Variants in CRACR2A observed in about 807,000 individuals in gnomAD.
CRACR2A encodes the protein EF-hand calcium-binding domain-containing protein 4B.
CRACR2A carries 79 observed loss-of-function variants against 90.5 expected under a neutral mutation model. That is an observed-to-expected ratio of 0.87 (90% CI 0.73 to 1.05). The LOEUF (loss-of-function observed/expected upper bound fraction) is 1.05, where lower values mean the gene tolerates loss of function less well. Ranked by LOEUF, CRACR2A falls within the 50% of genes least tolerant of loss-of-function variation. CRACR2A has a pLI of 0.00. For synonymous variants in CRACR2A, 338 were observed against 356.7 expected (o/e 0.95, Z 0.59); for missense variants, 823 against 897.2 (o/e 0.92, Z 1.06).
At chr12:3,654,480 C>G (rs1030157414) in intron 9 of CRACR2A, 81 bp from the exon 10 acceptor site, 4 of 1,411,412 alleles carry the variant, frequency 2.8e-6, no homozygotes, top group Non-Finnish European at 3.8e-6. Context: ...ACCTTGTTTT[C>G]TCTGCTTGGC....
At chr12:3,643,442 G>A (rs1944609843) in intron 12 of CRACR2A, among the ~76,000 whole-genome samples, 3 of 152,022 alleles carry the variant, frequency 2.0e-5, no homozygotes, top group South Asian at 2.1e-4. Flanking sequence ...GCGTGACAGC[G>A]GAGGTCATGG....
At chr12:3,662,154 C>T (rs915161775) in intron 7 of CRACR2A, among the ~76,000 whole-genome samples, 1 of 152,140 alleles carries the variant, frequency 6.6e-6, no homozygotes, top group Admixed American at 6.5e-5. Context: ...CCTAGGATTC[C>T]AGGTGGGCAT....
At chr12:3,718,333 C>G (rs1324964369) in intron 2 of CRACR2A, among the ~76,000 whole-genome samples, 3 of 152,172 alleles carry the variant, frequency 2.0e-5, no homozygotes, top group Non-Finnish European at 4.4e-5. Flanking sequence ...GTGGGTGGAA[C>G]CGAGGGCCCT....
intron 3 of CRACR2A, among the ~76,000 whole-genome samples, chr12:3,700,140 C>T (rs555518868): frequency 1.3e-5 from 2 of 152,316 alleles, no homozygotes; most frequent in African/African-American, 4.8e-5. Flanking sequence ...CATCTACTCT[C>T]AGGAGCTAAC....
chr12:3,690,916 C>T (rs941153457), intron 4 of CRACR2A, among the ~76,000 whole-genome samples: 2 of 152,018 alleles, frequency 1.3e-5, no homozygotes, highest in African/African-American at 4.8e-5. Flanking sequence ...TTATGTAATG[C>T]CCTTCTTTGT....
At chr12:3,621,768 C>T (rs534134996) in intron 17 of CRACR2A, among the ~76,000 whole-genome samples, 47 of 150,296 alleles carry the variant, frequency 3.1e-4, no homozygotes, top group Non-Finnish European at 4.7e-4. Context: ...GCAGGAGCTG[C>T]GGTTTCTGTT....
intron 2 of CRACR2A, among the ~76,000 whole-genome samples, chr12:3,714,900 G>T (rs1489932357): frequency 1.3e-5 from 2 of 152,192 alleles, no homozygotes; most frequent in African/African-American, 4.8e-5. Context: ...CATAGAAAAT[G>T]CAGTAGAATG....
chr12:3,656,224 A>C, intron 9 of CRACR2A, 87 bp downstream of exon 9: 1 of 1,317,846 alleles, frequency 7.6e-7, no homozygotes, highest in Non-Finnish European at 1.1e-6. Context: ...AAAAGTCCTT[A>C]AGTGAATGGC....
chr12:3,672,558 G>T (rs1945264228), intron 7 of CRACR2A, among the ~76,000 whole-genome samples: 1 of 152,152 alleles, frequency 6.6e-6, no homozygotes, highest in Non-Finnish European at 1.5e-5. Context: ...TCACCTTCAG[G>T]GTTATGAACC....
At chr12:3,616,731 G>C (rs1018666050) in intron 19 of CRACR2A, among the ~76,000 whole-genome samples, 1 of 152,220 alleles carries the variant, frequency 6.6e-6, no homozygotes, top group African/African-American at 2.4e-5. Flanking sequence ...GTGACAGGTA[G>C]GGATGCTTTC....
In CRACR2A at chr12:3,633,633, C is replaced by T. The variant is rs868098601; in HGVS notation, c.1706G>A (p.Arg569Gln). 3.1e-5 allele frequency: 48 copies of T among 1,551,736 alleles called. No individual in the cohort carries two copies. Among genetic ancestry groups the T allele is most frequent in the East Asian group, 4.9e-5 (2 of 40,898 alleles). ...TSFLRRFCED[R>Q]FSPGMAATVG... The stretch of plus-strand genomic sequence containing the variant: ...AGTGGCCGCCATGCCTGGGGAGAAC[C>T]GGTCCTCACAGAATCTCCTCAGGAA... Residue 569 changes from arginine to glutamine, a missense_variant, in exon 15 of 20, where the codon CGG becomes CAG. Arg to Gln is a conservative substitution (Grantham distance 43). Coordinates refer to ENST00000440314, the MANE Select transcript of CRACR2A (RefSeq NM_001144958.2). The surrounding 1 kb of genome is among the most constrained non-coding windows in gnomAD (Gnocchi z 4.5).
At chr12:3,752,119 C>T (rs929224842) in intron 1 of CRACR2A, among the ~76,000 whole-genome samples, 2 of 152,196 alleles carry the variant, frequency 1.3e-5, no homozygotes, top group African/African-American at 4.8e-5. Flanking sequence ...TCTGACCACC[C>T]TGGGGACTCC....
At chr12:3,662,932 A>T (rs1417268035) in intron 7 of CRACR2A, among the ~76,000 whole-genome samples, 1 of 152,124 alleles carries the variant, frequency 6.6e-6, no homozygotes, top group East Asian at 1.9e-4. Context: ...AATTTCTAAA[A>T]CCACTTCTAT....
intron 8 of CRACR2A, among the ~76,000 whole-genome samples, chr12:3,657,835 G>T (rs2137487687): frequency 6.6e-6 from 1 of 152,298 alleles, no homozygotes; most frequent in East Asian, 1.9e-4. Context: ...CGTTCAGGGG[G>T]TGTAGCATCA....
At chr12:3,706,607 C>G (rs912236534) in intron 3 of CRACR2A, among the ~76,000 whole-genome samples, 8 of 152,126 alleles carry the variant, frequency 5.3e-5, no homozygotes, top group Non-Finnish European at 1.0e-4. Context: ...TCAGCTATTA[C>G]TTATTTATTT....
At chr12:3,680,787 G>A (rs1181598812) in intron 4 of CRACR2A, among the ~76,000 whole-genome samples, 2 of 152,202 alleles carry the variant, frequency 1.3e-5, no homozygotes, top group Non-Finnish European at 2.9e-5. Context: ...CTCAACATCT[G>A]TAAAGGACTC....
intron 10 of CRACR2A, among the ~76,000 whole-genome samples, chr12:3,652,192 C>T (rs1289733234): frequency 3.3e-5 from 5 of 151,502 alleles, no homozygotes; most frequent in African/African-American, 1.2e-4. Context: ...ATGTGATGCT[C>T]CAGCACTGGG....
chr12:3,706,971 T>C (rs1156889402), intron 3 of CRACR2A, among the ~76,000 whole-genome samples: 1 of 152,104 alleles, frequency 6.6e-6, no homozygotes, highest in East Asian at 1.9e-4. Flanking sequence ...TATAATAAAA[T>C]GAACTAATAA....
At chr12:3,741,839 A>G (rs1414850254) in intron 1 of CRACR2A, among the ~76,000 whole-genome samples, 2 of 152,226 alleles carry the variant, frequency 1.3e-5, no homozygotes, top group Non-Finnish European at 2.9e-5. Flanking sequence ...GTCCACAAAA[A>G]GAAAACACAT....
Sources: allele counts gnomAD v4.1 joint callset (sites outside exome capture counted in the v4.1 genomes callset), GRCh38; gene constraint gnomAD v4.1.1; non-coding constraint Gnocchi (gnomAD v3.1); transcripts MANE v1.5; gene names NCBI Gene and HGNC (gene_info 2026-07-23, HGNC 2026-07-21).